ZNF713: variants seen among roughly 807,000 people sequenced by gnomAD.
ZNF713 encodes the protein zinc finger protein 713.
Under a neutral mutation model 28.7 loss-of-function variants are expected in ZNF713, and 21 were observed. The observed-to-expected ratio is 0.73, with a 90% CI of 0.52 to 1.05. ZNF713 has a LOEUF of 1.05. Among genes scored for constraint, ZNF713 ranks in the 50% least tolerant of loss-of-function variants. The pLI is 0.00. For missense variants in ZNF713, 458 were observed against 532.4 expected (o/e 0.86, Z 1.37); for synonymous variants, 167 against 178.0 (o/e 0.94, Z 0.49).
intron 6 of ZNF713, among the ~76,000 whole-genome samples, chr7:55,937,462 AAGAT>A (rs1303379360): frequency 1.3e-5 from 2 of 152,236 alleles, no homozygotes; most frequent in South Asian, 2.1e-4. Flanking sequence ...GGCAGGGAGA[AAGAT>A]AGAACATGAC....
At chr7:55,889,412 T>A (rs1243426973) in intron 1 of ZNF713, among the ~76,000 whole-genome samples, 1 of 152,238 alleles carries the variant, frequency 6.6e-6, no homozygotes, top group African/African-American at 2.4e-5. Context: ...GATCTATTTC[T>A]TTTAACTTAA....
chr7:55,909,552 T>C (rs1436070102), intron 2 of ZNF713, among the ~76,000 whole-genome samples: 1 of 152,190 alleles, frequency 6.6e-6, no homozygotes, highest in African/African-American at 2.4e-5. Flanking sequence ...AATTTTAGGA[T>C]TGTTGTTTCT....
chr7:55,900,393 G>A lies in ZNF713; in HGVS notation c.-582-5860G>A, dbSNP rs550169609. 1.6e-4 allele frequency among the ~76,000 whole-genome samples: 24 copies of A among 151,938 alleles called. No individual in the cohort carries two copies. In the East Asian group the frequency reaches 4.1e-3, roughly 26 times the overall value. On this transcript the variant is annotated intron_variant, in intron 1 of 6. Transcript: ENST00000429591. ...TGAGGCAGGAGAAGTGCTCGAACCCGGGAGGTGGAAGTTGCAGTGAGCCGA... is the reference window on the plus strand; with the variant it reads ...TGAGGCAGGAGAAGTGCTCGAACCCAGGAGGTGGAAGTTGCAGTGAGCCGA...
intron 6 of ZNF713, among the ~76,000 whole-genome samples, chr7:55,928,337 G>C (rs1479033366): frequency 6.6e-6 from 1 of 152,154 alleles, no homozygotes; most frequent in Admixed American, 6.5e-5. Context: ...ACTGAAGGAG[G>C]AAAACTGTGT....
intron 6 of ZNF713, among the ~76,000 whole-genome samples, chr7:55,927,702 G>A (rs1584315740): frequency 6.6e-6 from 1 of 151,860 alleles, no homozygotes; most frequent in Non-Finnish European, 1.5e-5. Flanking sequence ...TTCAGGACCA[G>A]CCTGGCCAAC....
chr7:55,911,304 CA>C (rs1785777659), intron 2 of ZNF713, among the ~76,000 whole-genome samples: 4 of 152,254 alleles, frequency 2.6e-5, no homozygotes, highest in African/African-American at 7.2e-5. Context: ...GTTGTTGAAA[CA>C]TGTGTTTTTC....
chr7:55,938,940 G>A, intron 6 of ZNF713, 42 bp from the exon 7 acceptor site: 5 of 1,517,354 alleles, frequency 3.3e-6, no homozygotes, highest in Non-Finnish European at 4.4e-6. Flanking sequence ...TAGATAACAT[G>A]AGAATATTGG....
intron 1 of ZNF713, among the ~76,000 whole-genome samples, chr7:55,903,628 C>A (rs1462834552): frequency 6.7e-6 from 1 of 149,760 alleles, no homozygotes; most frequent in Non-Finnish European, 1.5e-5. Context: ...GATCGTGCCC[C>A]TGCACTCCAG....
chr7:55,895,040 TTG>T (rs1463912345), intron 1 of ZNF713, among the ~76,000 whole-genome samples: 1 of 152,156 alleles, frequency 6.6e-6, no homozygotes, highest in African/African-American at 2.4e-5. Context: ...TTACTAAAAT[TTG>T]TGTTTTAATA....
intron 6 of ZNF713, among the ~76,000 whole-genome samples, chr7:55,938,121 T>A (rs1329548919): frequency 6.6e-6 from 1 of 151,952 alleles, no homozygotes; most frequent in Non-Finnish European, 1.5e-5. Flanking sequence ...GGAGAGTTGC[T>A]TGAACCCGGG....
rs369789359 is a variant in ZNF713 at position 55,887,600 on chromosome 7, C to CGCG, written c.-626_-624dup. 0.014 allele frequency: 2,464 copies of CGCG among 178,106 alleles called. 72 individuals are homozygous for CGCG. The highest frequency in any genetic ancestry group is 0.059 in the East Asian group (344 of 5,782). 11.0% of individuals were successfully genotyped at this position (178,106 alleles called of 1,614,324 possible). A position where few individuals can be genotyped will look rare whatever the true frequency, so the allele number is the denominator to read the frequency against. ...GGCACCTTCTCCCTCCCGGGTCCAC[C>CGCG]GCGGCGGCGGCGGCGGCGGCGGCGG... On this transcript the variant is annotated 5_prime_UTR_variant, in exon 1 of 7. Transcript: ENST00000429591.
At position 55,939,264 on chromosome 7, in the gene ZNF713, A is replaced by G. The variant is rs1786415068; in HGVS notation, c.590A>G (p.Gln197Arg). 5 of 1,614,056 alleles carry G rather than the reference A, an allele frequency of 3.1e-6. No individual in the cohort carries two copies. The South Asian group carries it at 4.4e-5, about 14-fold the overall frequency. Residue 197 changes from glutamine (Q) to arginine (R), a missense_variant, in exon 7 of 7, where the codon CAG (glutamine) becomes CGG (arginine). Coordinates refer to ENST00000429591, the MANE Select transcript of ZNF713 (RefSeq NM_182633.3). ...ENCNLNSNLM[Q>R]QRIPSIKIPL... ...TGTAATCTGAACTCAAACCTTATGC[A>G]GCAGAGAATTCCTTCCATTAAAATA...
intron 4 of ZNF713, among the ~76,000 whole-genome samples, chr7:55,919,495 T>TTTTTTTTTTTTTTTG (rs1785947479): frequency 3.6e-5 from 1 of 27,514 alleles, no homozygotes; most frequent in African/African-American, 2.1e-4. Context: ...CTCCAGTTTT[T>TTTTTTTTTTTTTTTG]TTTTTTTTTT....
intron 6 of ZNF713, among the ~76,000 whole-genome samples, chr7:55,930,495 T>C (rs1786188271): frequency 6.6e-6 from 1 of 152,184 alleles, no homozygotes; most frequent in South Asian, 2.1e-4. Context: ...TAAAGTTTTA[T>C]GGGAACACAA....
In ZNF713 at chr7:55,939,505, G is replaced by T; in HGVS notation, c.831G>T (p.Gln277His). 6.2e-7 allele frequency: 1 copy of T among 1,614,090 alleles called. No homozygotes were observed. The highest frequency in any genetic ancestry group is 2.2e-5 in the East Asian group (1 of 44,880). ...ACACCTCATCTCTTAGCCAGCCTCA[G>T]ATGTTGCTTACAGGAGAGAAGCCCT... is the stretch of plus-strand genomic sequence containing the variant. ...FSHTSSLSQP[Q>H]MLLTGEKPYK... Residue 277 changes from glutamine (Q) to histidine (H), a missense_variant, in exon 7 of 7, where the codon CAG becomes CAT. Transcript: ENST00000429591.
At chr7:55,913,554 T>C (rs1175961605) in intron 4 of ZNF713, among the ~76,000 whole-genome samples, 1 of 152,198 alleles carries the variant, frequency 6.6e-6, no homozygotes, top group Non-Finnish European at 1.5e-5. Context: ...CTGGTGAGTA[T>C]GAATGCAACA....
rs768117832 is a variant in ZNF713 at position 55,940,048 on chromosome 7, A to T, written c.*42A>T. On this transcript the variant is annotated 3_prime_UTR_variant, in exon 7 of 7. Transcript: ENST00000429591. ...TCAGATAAATATATAAATGTAGGAG[A>T]TTTTTTGGTCAGACCTTTTTATCCC... is the stretch of plus-strand genomic sequence containing the variant. The T allele has an allele frequency of 6.6e-7, 1 of 1,512,364 alleles. No individual in the cohort carries two copies. The highest frequency in any genetic ancestry group is 2.2e-5 in the Admixed American group (1 of 44,808). The allele number at this position is 1,512,364 out of a possible 1,614,324, so 93.7% of individuals were successfully genotyped here. A position where few individuals can be genotyped will look rare whatever the true frequency, so the allele number is the denominator to read the frequency against.
intron 6 of ZNF713, among the ~76,000 whole-genome samples, chr7:55,935,585 C>T (rs1019733533): frequency 3.3e-5 from 5 of 152,126 alleles, no homozygotes; most frequent in African/African-American, 1.2e-4. Flanking sequence ...TGTAGGAACC[C>T]TCACCCACAT....
At chr7:55,908,994 G>A (rs533568267) in intron 2 of ZNF713, among the ~76,000 whole-genome samples, 44 of 151,836 alleles carry the variant, frequency 2.9e-4, no homozygotes, top group South Asian at 6.2e-4. Flanking sequence ...TCAGGAGATC[G>A]AGACCATCCT....
Sources: gnomAD v4.1 joint callset for allele counts (sites outside exome capture counted in the v4.1 genomes callset) on GRCh38, gnomAD v4.1.1 for gene constraint, MANE v1.5 for transcripts, NCBI Gene and HGNC (gene_info 2026-07-23, HGNC 2026-07-21) for gene names.